Variants in ADAMTS12 observed in about 807,000 individuals in gnomAD.
ADAMTS12 encodes A disintegrin and metalloproteinase with thrombospondin motifs 12.
ADAMTS12 carries 118 observed loss-of-function variants against 167.8 expected under a neutral mutation model. The observed-to-expected ratio is 0.70, with a 90% CI of 0.61 to 0.82. The LOEUF is 0.82. Among genes scored for constraint, ADAMTS12 ranks in the 40% least tolerant of loss-of-function variants. ADAMTS12 has a pLI of 0.00. For synonymous variants in ADAMTS12, 704 were observed against 716.9 expected (o/e 0.98, Z 0.29); for missense variants, 1,916 against 1,998.8 (o/e 0.96, Z 0.79).
Position 33,630,771 on chromosome 5 carries a change from A to T in ADAMTS12, c.2022+9T>A. 6.2e-7 allele frequency: 1 copy of T among 1,610,816 alleles called. No homozygotes were observed. The highest frequency in any genetic ancestry group is 8.5e-7 in the Non-Finnish European group (1 of 1,177,462). ...ATAAAGTTGTAGATTAAGGAAACAT[A>T]CCCAATACCTTACATATGCCATTAA... On this transcript the variant is annotated intron_variant, in intron 13 of 23. Transcript: ENST00000504830.
In ADAMTS12 at chr5:33,576,361, G is replaced by A; in HGVS notation, c.3665C>T (p.Pro1222Leu). ...TTCGGAAGTAGTGGGCCTTTGGCTG[G>A]GGAGCAGTCCTTCCATTACTGTGCT... is the stretch of plus-strand genomic sequence containing the variant. ...PFSTVMEGLLPSQRPTTSETG... is the reference protein window; with the variant it reads ...PFSTVMEGLLLSQRPTTSETG... Residue 1222 changes from proline (P) to leucine (L), a missense_variant, in exon 19 of 24, where the codon CCC becomes CTC. Coordinates refer to ENST00000504830, the MANE Select transcript of ADAMTS12 (RefSeq NM_030955.4). 1 of 1,614,144 alleles carries A rather than the reference G, an allele frequency of 6.2e-7. No individual in the cohort carries two copies. Among genetic ancestry groups the A allele is most frequent in the Non-Finnish European group, 8.5e-7 (1 of 1,180,018 alleles).
At chr5:33,772,470 C>T (rs1223194331) in intron 2 of ADAMTS12, among the ~76,000 whole-genome samples, 1 of 152,208 alleles carries the variant, frequency 6.6e-6, no homozygotes, top group Non-Finnish European at 1.5e-5. Flanking sequence ...GCCATAGCTC[C>T]TCCCAAGGTG....
chr5:33,556,657 C>T (rs967583051), intron 20 of ADAMTS12, among the ~76,000 whole-genome samples: 3 of 152,184 alleles, frequency 2.0e-5, no homozygotes, highest in African/African-American at 7.2e-5. Context: ...TATAACTGCC[C>T]TGTTTGACAC....
chr5:33,666,306 C>T (rs915493841), intron 5 of ADAMTS12, among the ~76,000 whole-genome samples: 2 of 152,208 alleles, frequency 1.3e-5, no homozygotes, highest in African/African-American at 4.8e-5. Flanking sequence ...TAATAACGTC[C>T]TGCTAATAAC....
At chr5:33,703,407 A>C (rs183717791) in intron 3 of ADAMTS12, among the ~76,000 whole-genome samples, 1 of 152,186 alleles carries the variant, frequency 6.6e-6, no homozygotes, top group South Asian at 2.1e-4. Flanking sequence ...TTGTGGTAAA[A>C]GCACATAATA....
intron 2 of ADAMTS12, among the ~76,000 whole-genome samples, chr5:33,771,431 A>C (rs569691985): frequency 2.6e-5 from 4 of 151,264 alleles, no homozygotes; most frequent in Non-Finnish European, 5.9e-5. Flanking sequence ...CTTGATGATC[A>C]AGTGAAACAT....
chr5:33,711,267 G>A (rs1158806701), intron 3 of ADAMTS12, among the ~76,000 whole-genome samples: 1 of 152,008 alleles, frequency 6.6e-6, no homozygotes, highest in African/African-American at 2.4e-5. Context: ...AAATTAACAT[G>A]GTGCTTTCCA....
At chr5:33,729,273 G>GTT (rs1744091590) in intron 3 of ADAMTS12, among the ~76,000 whole-genome samples, 1 of 152,180 alleles carries the variant, frequency 6.6e-6, no homozygotes, top group African/African-American at 2.4e-5. Flanking sequence ...AAACATAAAG[G>GTT]ATAAGCTTTT....
At chr5:33,753,688 T>C (rs1472431300) in intron 2 of ADAMTS12, among the ~76,000 whole-genome samples, 1 of 152,022 alleles carries the variant, frequency 6.6e-6, no homozygotes, top group Non-Finnish European at 1.5e-5. Context: ...AAGAAACAGA[T>C]GGGGCTCCAC....
chr5:33,695,584 A>T (rs533054032), intron 3 of ADAMTS12, among the ~76,000 whole-genome samples: 1 of 152,372 alleles, frequency 6.6e-6, no homozygotes, highest in African/African-American at 2.4e-5. Context: ...AAGTGAAACA[A>T]GCCAGTCACA....
At chr5:33,746,023 C>T (rs1262703152) in intron 3 of ADAMTS12, among the ~76,000 whole-genome samples, 2 of 152,082 alleles carry the variant, frequency 1.3e-5, no homozygotes, top group Non-Finnish European at 2.9e-5. Flanking sequence ...CATGCCACCC[C>T]TCCAAAAAAC....
intron 2 of ADAMTS12, among the ~76,000 whole-genome samples, chr5:33,831,408 G>C (rs1408721652): frequency 6.6e-6 from 1 of 152,190 alleles, no homozygotes; most frequent in Non-Finnish European, 1.5e-5. Flanking sequence ...AGGATGGTGA[G>C]TTACCTGCCT....
intron 2 of ADAMTS12, among the ~76,000 whole-genome samples, chr5:33,838,871 T>C (rs1748633729): frequency 6.6e-6 from 1 of 152,114 alleles, no homozygotes; most frequent in African/African-American, 2.4e-5. Flanking sequence ...AGAGAAAGTG[T>C]ACCTGTAGGG....
rs776956616 is a variant in ADAMTS12 at position 33,891,783 on chromosome 5, C to A, written c.74G>T (p.Cys25Phe). 69 of 1,614,114 alleles carry A rather than the reference C, an allele frequency of 4.3e-5. No homozygotes were observed. The highest frequency in any genetic ancestry group is 5.8e-5 in the Non-Finnish European group (68 of 1,180,046). ...GCCTGGCTGAGGCTGTCTCCCATAG[C>A]AAAGCGCCCCAAAGTTAAGGAGCTG... ...VAQLLNFGAL[C>F]YGRQPQPGPV... Residue 25 changes from cysteine (C) to phenylalanine (F), a missense_variant, in exon 1 of 24, where the codon TGC becomes TTC. Physicochemically the swap from Cys to Phe is radical, Grantham distance 205. Coordinates refer to ENST00000504830, the MANE Select transcript of ADAMTS12 (RefSeq NM_030955.4).
Position 33,658,330 on chromosome 5 carries a change from C to G in ADAMTS12, c.1044G>C (p.Lys348Asn). ...GGCGATTGAAACCAGCACAGATGTC[C>G]TTTCTGAAAGCAGAGAATACAGAAG... ...HHDVAVLLTR[K>N]DICAGFNRPC... Residue 348 changes from lysine to asparagine, a missense_variant, in exon 7 of 24, where the codon AAG (lysine) becomes AAC (asparagine). Lys to Asn is a moderately conservative substitution (Grantham distance 94, BLOSUM62 0). Coordinates refer to ENST00000504830, the MANE Select transcript of ADAMTS12 (RefSeq NM_030955.4). The G allele has an allele frequency of 6.2e-7, 1 of 1,613,228 alleles. No homozygotes were observed. The highest frequency in any genetic ancestry group is 8.5e-7 in the Non-Finnish European group (1 of 1,179,432).
chr5:33,740,447 G>C (rs1054574574), intron 3 of ADAMTS12, among the ~76,000 whole-genome samples: 5 of 152,154 alleles, frequency 3.3e-5, no homozygotes, highest in African/African-American at 1.2e-4. Flanking sequence ...TTGCTGAGGG[G>C]CCCACCACTC....
At chr5:33,580,567 G>C (rs1747014824) in intron 18 of ADAMTS12, among the ~76,000 whole-genome samples, 1 of 152,182 alleles carries the variant, frequency 6.6e-6, no homozygotes, top group Admixed American at 6.5e-5. Flanking sequence ...TGGTTGCTGA[G>C]TTAAAATACA....
chr5:33,579,261 T>C (rs1746926769), intron 18 of ADAMTS12, among the ~76,000 whole-genome samples: 1 of 152,232 alleles, frequency 6.6e-6, no homozygotes, highest in African/African-American at 2.4e-5. Flanking sequence ...GTAAAACTGA[T>C]CAGTTTTGTA....
Position 33,524,134 on chromosome 5 carries a change from C to T in ADAMTS12, c.*3054G>A, listed in dbSNP as rs72737381. On this transcript the variant is annotated 3_prime_UTR_variant, in exon 24 of 24. Transcript: ENST00000504830. ...CATCACAGTGGGATGTCAGCGGAGA[C>T]GTGGCTGTCTCAGGAGATTGGACGG... The T allele has an allele frequency of 0.087, 13,317 of 152,374 alleles. 719 individuals are homozygous for T. The highest frequency in any genetic ancestry group is 0.12 in the Non-Finnish European group (8,155 of 68,014). 9.4% of individuals were successfully genotyped at this position (152,374 alleles called of 1,614,324 possible). A position where few individuals can be genotyped will look rare whatever the true frequency, so the allele number is the denominator to read the frequency against.
Sources: allele counts gnomAD v4.1 joint callset (sites outside exome capture counted in the v4.1 genomes callset), GRCh38; gene constraint gnomAD v4.1.1; transcripts MANE v1.5; gene names NCBI Gene and HGNC (gene_info 2026-07-23, HGNC 2026-07-21).